The following ANKS1A variants were observed in gnomAD, a reference collection of about 807,000 sequenced individuals.
The protein encoded by ANKS1A is ankyrin repeat and SAM domain-containing protein 1A.
ANKS1A carries 55 observed loss-of-function variants against 120.3 expected under a neutral mutation model. The ratio of observed to expected loss-of-function variants is 0.46; its 90% CI spans 0.37 to 0.57. ANKS1A has a LOEUF of 0.57. Among genes scored for constraint, ANKS1A ranks in the 20% least tolerant of loss-of-function variants. The pLI is 0.00. For synonymous variants in ANKS1A, 590 were observed against 604.7 expected (o/e 0.98, Z 0.36); for missense variants, 1,123 against 1,480.3 (o/e 0.76, Z 3.96).
At chr6:34,943,685 G>A (rs1357167633) in intron 1 of ANKS1A, among the ~76,000 whole-genome samples, 1 of 152,106 alleles carries the variant, frequency 6.6e-6, no homozygotes, top group African/African-American at 2.4e-5. Context: ...ATACAGTATG[G>A]AGCCTTTCCA....
intron 13 of ANKS1A, among the ~76,000 whole-genome samples, chr6:35,069,172 G>C (rs1180781392): frequency 1.3e-5 from 2 of 152,152 alleles, no homozygotes; most frequent in Non-Finnish European, 1.5e-5. Context: ...CTTTTCCCAG[G>C]CTCCCTCTGG....
intron 10 of ANKS1A, among the ~76,000 whole-genome samples, chr6:34,999,171 CT>C (rs1377068861): frequency 6.6e-6 from 1 of 152,208 alleles, no homozygotes; most frequent in Admixed American, 6.5e-5. Flanking sequence ...CACGGTGTGC[CT>C]TTATCGGCAC....
rs1273791855 is a variant in ANKS1A, at chr6:35,082,574, C to A, written c.2710-117C>A. On this transcript the variant is annotated intron_variant, in intron 17 of 23. Transcript: ENST00000360359. The surrounding 1 kb of genome is among the most constrained non-coding windows in gnomAD (Gnocchi z 4.1). ...TCTGCCCCCTGCCATCTCCACTCGA[C>A]CCTTGAACTTGCTAAGGTCACTGGC... 7.4e-7 allele frequency: 1 copy of A among 1,357,852 alleles called. No individual in the cohort carries two copies. Among genetic ancestry groups the A allele is most frequent in the Admixed American group, 2.5e-5 (1 of 40,120 alleles). 84.1% of individuals were successfully genotyped at this position (1,357,852 alleles called of 1,614,324 possible).
intron 10 of ANKS1A, among the ~76,000 whole-genome samples, chr6:35,012,545 G>A (rs773791387): frequency 1.3e-5 from 2 of 152,324 alleles, no homozygotes; most frequent in Non-Finnish European, 2.9e-5. Flanking sequence ...CTCTGGGCCT[G>A]AGGGGAGATT....
chr6:35,053,341 GC>G (rs1776057549), intron 11 of ANKS1A, among the ~76,000 whole-genome samples: 1 of 152,238 alleles, frequency 6.6e-6, no homozygotes, highest in South Asian at 2.1e-4. Flanking sequence ...AGTGGCCAAG[GC>G]CAGATGGCTG....
At chr6:35,040,658 C>T (rs1384431370) in intron 11 of ANKS1A, among the ~76,000 whole-genome samples, 2 of 152,242 alleles carry the variant, frequency 1.3e-5, no homozygotes, top group Non-Finnish European at 2.9e-5. Flanking sequence ...TCATTTCCTT[C>T]AGTCTCAGAC....
chr6:34,892,186 A>T (rs919059709), intron 1 of ANKS1A, among the ~76,000 whole-genome samples: 1 of 152,070 alleles, frequency 6.6e-6, no homozygotes, highest in African/African-American at 2.4e-5. Context: ...TAGCTTCCCA[A>T]CCTCTCATTC....
In ANKS1A at chr6:35,088,768, C is replaced by G; in HGVS notation, c.*159C>G. On this transcript the variant is annotated 3_prime_UTR_variant, in exon 24 of 24. Transcript: ENST00000360359. ...CCACTTGGCCTGGGCCTGCCACCACCACGTCCTGCAGAACGAGCCCTGCCT... is the reference window on the plus strand; with the variant it reads ...CCACTTGGCCTGGGCCTGCCACCACGACGTCCTGCAGAACGAGCCCTGCCT... 6.4e-7 allele frequency: 1 copy of G among 1,556,808 alleles called. No homozygotes were observed. The highest frequency in any genetic ancestry group is 8.7e-7 in the Non-Finnish European group (1 of 1,154,300).
intron 1 of ANKS1A, among the ~76,000 whole-genome samples, chr6:34,892,123 C>G (rs1023114654): frequency 3.9e-5 from 6 of 152,350 alleles, no homozygotes; most frequent in African/African-American, 1.4e-4. Context: ...AGTTAGAGAG[C>G]TGGCTCACCT....
At chr6:34,907,418 C>A (rs1767698361) in intron 1 of ANKS1A, among the ~76,000 whole-genome samples, 1 of 152,162 alleles carries the variant, frequency 6.6e-6, no homozygotes, top group Admixed American at 6.5e-5. Context: ...CTTGTATACT[C>A]AAGTCCTGAG....
chr6:34,983,283 T>C, intron 6 of ANKS1A, 41 bp from the exon 7 acceptor site: 1 of 1,612,216 alleles, frequency 6.2e-7, no homozygotes, highest in South Asian at 1.1e-5. Flanking sequence ...TTGTATTTGG[T>C]GCAGCACTTT....
chr6:35,064,656 C>T (rs918342702), intron 13 of ANKS1A, among the ~76,000 whole-genome samples: 6 of 152,338 alleles, frequency 3.9e-5, no homozygotes, highest in South Asian at 4.1e-4. Context: ...AACAGTGGGG[C>T]TTGTCATCAC....
At chr6:34,910,284 C>T (rs1767842968) in intron 1 of ANKS1A, among the ~76,000 whole-genome samples, 1 of 152,116 alleles carries the variant, frequency 6.6e-6, no homozygotes, top group Non-Finnish European at 1.5e-5. Context: ...ATATTACAGG[C>T]GGGTCACAGT....
intron 3 of ANKS1A, among the ~76,000 whole-genome samples, chr6:34,980,906 T>C (rs1771869512): frequency 6.6e-6 from 1 of 152,234 alleles, no homozygotes; most frequent in African/African-American, 2.4e-5. Context: ...TGAGCTTGAA[T>C]TGATAGCAAT....
intron 9 of ANKS1A, among the ~76,000 whole-genome samples, chr6:34,993,397 C>T (rs1772678507): frequency 3.9e-5 from 6 of 152,192 alleles, no homozygotes; most frequent in Admixed American, 3.9e-4. Context: ...CTTACAGTTG[C>T]CAGGTGTAGG....
chr6:34,890,069 C>T (rs1419250449), intron 1 of ANKS1A, among the ~76,000 whole-genome samples: 1 of 152,002 alleles, frequency 6.6e-6, no homozygotes, highest in Non-Finnish European at 1.5e-5. Context: ...GAACCTTCCA[C>T]CAGGCTACAC....
intron 8 of ANKS1A, among the ~76,000 whole-genome samples, chr6:34,988,544 C>T (rs1012467007): frequency 1.3e-5 from 2 of 152,258 alleles, no homozygotes; most frequent in Admixed American, 1.3e-4. Context: ...TGCAGTGAGC[C>T]GAGATCGCGC....
chr6:34,927,012 C>T (rs999274998), intron 1 of ANKS1A, among the ~76,000 whole-genome samples: 3 of 152,184 alleles, frequency 2.0e-5, no homozygotes, highest in African/African-American at 7.2e-5. Flanking sequence ...GCCAGTTAAC[C>T]TATCTGTGCC....
chr6:35,039,440 G>T (rs546352453), intron 11 of ANKS1A: 2 of 377,566 alleles, frequency 5.3e-6, no homozygotes, highest in African/African-American at 4.2e-5. Context: ...CAGGTGATCC[G>T]CCCACCTCAG....
Sources: allele counts gnomAD v4.1 joint callset (sites outside exome capture counted in the v4.1 genomes callset), GRCh38; gene constraint gnomAD v4.1.1; non-coding constraint Gnocchi (gnomAD v3.1); transcripts MANE v1.5; gene names NCBI Gene and HGNC (gene_info 2026-07-23, HGNC 2026-07-21).